Variants in EMB observed in about 807,000 individuals in gnomAD.
EMB encodes embigin homolog.
Under a neutral mutation model 41.4 loss-of-function variants are expected in EMB, and 31 were observed. The observed-to-expected ratio is 0.75, with a 90% confidence interval of 0.56 to 1.01. The LOEUF is 1.01. Among genes scored for constraint, EMB ranks in the 50% least tolerant of loss-of-function variants. The pLI, the probability that EMB is intolerant of heterozygous loss-of-function variation, is 0.00. For synonymous variants in EMB, 137 were observed against 140.4 expected (o/e 0.98, Z 0.17); for missense variants, 379 against 388.3 (o/e 0.98, Z 0.20).
upstream of EMB, chr5:50,443,085 A>G (rs569350837): frequency 3.9e-5 from 6 of 152,322 alleles, no homozygotes; most frequent in South Asian, 6.2e-4. Context: ...TAGATATTTG[A>G]TATTTCCAGC....
At chr5:50,415,758 A>T (rs894802899) in intron 2 of EMB, among the ~76,000 whole-genome samples, 5 of 152,310 alleles carry the variant, frequency 3.3e-5, no homozygotes, top group Admixed American at 2.6e-4. Flanking sequence ...CAACTCTCAA[A>T]CATATTAAAT....
chr5:50,408,754 AG>A (rs1019169198), intron 4 of EMB, among the ~76,000 whole-genome samples: 2 of 152,102 alleles, frequency 1.3e-5, no homozygotes, highest in African/African-American at 4.8e-5. Context: ...ATAATATAAT[AG>A]GACATTTATA....
chr5:50,427,508 ATAT>A (rs556754287), intron 2 of EMB, among the ~76,000 whole-genome samples: 2 of 148,632 alleles, frequency 1.3e-5, no homozygotes. Flanking sequence ...TATTATTATT[ATAT>A]TATTATTATT....
At position 50,413,071 on chromosome 5, in the gene EMB, C is replaced by T. The variant is rs375421363; in HGVS notation, c.197-1688G>A. On this transcript the variant is annotated intron_variant, in intron 2 of 8. Transcript: ENST00000303221. ...ACACATACATACACACGCGCCCACG[C>T]GCACACACACACACTTAGGGAAAAC... 1.9e-3 allele frequency among the ~76,000 whole-genome samples: 295 copies of T among 152,146 alleles called. 1 individual carries two copies. The highest frequency in any genetic ancestry group is 6.7e-3 in the African/African-American group (277 of 41,532).
rs547783988 is a variant in EMB at position 50,397,297 on chromosome 5, C to T, written c.*1976G>A. Reference sequence around the variant, plus strand: ...AGTCCTCCAGAGAGACTACAAAAAGCCAAAAGTCAACTTTAATTTTTGAGT... The same window carrying T: ...AGTCCTCCAGAGAGACTACAAAAAGTCAAAAGTCAACTTTAATTTTTGAGT... On this transcript the variant is annotated 3_prime_UTR_variant, in exon 9 of 9. Transcript: ENST00000303221. 72 of 152,098 alleles carry T rather than the reference C, an allele frequency of 4.7e-4. No individual in the cohort carries two copies. The highest frequency in any genetic ancestry group is 1.7e-3 in the African/African-American group (71 of 41,484). 9.4% of individuals were successfully genotyped at this position (152,098 alleles called of 1,614,324 possible). A position where few individuals can be genotyped will look rare whatever the true frequency, so the allele number is the denominator to read the frequency against.
At chr5:50,411,427 G>A (rs766391789) in intron 2 of EMB, 44 bp from the exon 3 acceptor site, 2 of 1,352,672 alleles carry the variant, frequency 1.5e-6, no homozygotes, top group South Asian at 1.6e-5. Flanking sequence ...TATATTCAGA[G>A]GAATCTAACA....
chr5:50,434,589 T>C (rs1251649255), intron 1 of EMB, among the ~76,000 whole-genome samples: 1 of 152,156 alleles, frequency 6.6e-6, no homozygotes, highest in Non-Finnish European at 1.5e-5. Context: ...GGCTTCAAGA[T>C]CAATGAAACA....
At chr5:50,432,908 C>A (rs936681464) in intron 1 of EMB, among the ~76,000 whole-genome samples, 9 of 152,006 alleles carry the variant, frequency 5.9e-5, no homozygotes, top group Non-Finnish European at 8.8e-5. Context: ...GAAACCCCGT[C>A]TCTACTAAAA....
intron 2 of EMB, among the ~76,000 whole-genome samples, chr5:50,427,184 T>C (rs1436013688): frequency 6.6e-6 from 1 of 152,202 alleles, no homozygotes; most frequent in Non-Finnish European, 1.5e-5. Flanking sequence ...TCAGTCATAC[T>C]GAAGACCATT....
upstream of EMB, chr5:50,441,291 G>A (rs1437164120): frequency 2.2e-6 from 1 of 448,742 alleles, no homozygotes; most frequent in Non-Finnish European, 3.7e-6. Flanking sequence ...AAGAAAAGGC[G>A]GAATGGGAGG....
intron 2 of EMB, among the ~76,000 whole-genome samples, chr5:50,423,758 G>A (rs527836052): frequency 6.6e-6 from 1 of 152,104 alleles, no homozygotes; most frequent in Non-Finnish European, 1.5e-5. Flanking sequence ...ATGTAAATTT[G>A]CAATTTAAAC....
intron 2 of EMB, among the ~76,000 whole-genome samples, chr5:50,421,124 T>C (rs1745514745): frequency 6.6e-6 from 1 of 152,196 alleles, no homozygotes; most frequent in African/African-American, 2.4e-5. Context: ...ATAAAAACAT[T>C]AATTTTCCCC....
In EMB at chr5:50,411,260, C is replaced by T. The variant is rs1745332339; in HGVS notation, c.320G>A (p.Gly107Asp). The change falls in exon 3 of 9, where the codon GGT (glycine) becomes GAT (aspartate). Residue 107 changes from glycine (G) to aspartate (D), a missense_variant. Transcript: ENST00000303221. ...NAVNVTWKKDGEQLENNYLVS... is the reference protein window; with the variant it reads ...NAVNVTWKKDDEQLENNYLVS... ...AAGATAATTATTCTCAAGTTGTTCACCATCTTTTTTCCAAGTCACATTTAC... is the reference window on the plus strand; with the variant it reads ...AAGATAATTATTCTCAAGTTGTTCATCATCTTTTTTCCAAGTCACATTTAC... The T allele has an allele frequency of 2.5e-6, 4 of 1,612,802 alleles. No individual in the cohort carries two copies. The highest frequency in any genetic ancestry group is 3.4e-6 in the Non-Finnish European group (4 of 1,179,344).
intron 4 of EMB, among the ~76,000 whole-genome samples, chr5:50,410,321 CA>C (rs1197850862): frequency 3.3e-5 from 5 of 151,942 alleles, no homozygotes; most frequent in Admixed American, 6.6e-5. Flanking sequence ...ATGATGGTAA[CA>C]GTAAAATATT....
At chr5:50,432,753 A>G (rs1455092147) in intron 1 of EMB, among the ~76,000 whole-genome samples, 7 of 147,712 alleles carry the variant, frequency 4.7e-5, no homozygotes, top group Non-Finnish European at 1.1e-4. Flanking sequence ...AAACAAGTAA[A>G]AAAAAAAAAA....
At chr5:50,423,538 C>T (rs1267698646) in intron 2 of EMB, among the ~76,000 whole-genome samples, 6 of 152,154 alleles carry the variant, frequency 3.9e-5, no homozygotes, top group Admixed American at 3.9e-4. Context: ...CCTACTGCTC[C>T]TTAGCTCTGT....
intron 2 of EMB, among the ~76,000 whole-genome samples, chr5:50,422,754 T>C (rs1745545312): frequency 1.3e-5 from 2 of 152,144 alleles, no homozygotes; most frequent in African/African-American, 2.4e-5. Flanking sequence ...GCAACTTCTA[T>C]AAAAAGTAAA....
chr5:50,429,961 ACTCTCTTTCT>A (rs1745685786), intron 1 of EMB, among the ~76,000 whole-genome samples: 1 of 73,776 alleles, frequency 1.4e-5, no homozygotes, highest in African/African-American at 7.4e-5. Flanking sequence ...ACCCTCCCCA[ACTCTCTTTCT>A]CTCTCTCTCT....
chr5:50,435,252 G>A (rs770532793), intron 1 of EMB, among the ~76,000 whole-genome samples: 19 of 152,090 alleles, frequency 1.2e-4, no homozygotes, highest in African/African-American at 4.1e-4. Flanking sequence ...AAACATTACC[G>A]TCTATTTCCT....
Sources: gnomAD v4.1 joint callset for allele counts (sites outside exome capture counted in the v4.1 genomes callset) on GRCh38, gnomAD v4.1.1 for gene constraint, MANE v1.5 for transcripts, NCBI Gene and HGNC (gene_info 2026-07-23, HGNC 2026-07-21) for gene names.